The following GALNT13 variants were observed in gnomAD, a reference collection of about 807,000 sequenced individuals.
The protein encoded by GALNT13 is UDP-GalNAc:polypeptide N-acetylgalactosaminyltransferase 13.
In GALNT13, 28 loss-of-function variants were observed where a neutral mutation model predicts 64.2. The ratio of observed to expected loss-of-function variants is 0.44; its 90% CI spans 0.32 to 0.60. GALNT13 has a LOEUF of 0.60. Ranked by LOEUF, GALNT13 falls within the 20% of genes least tolerant of loss-of-function variation. The probability of loss-of-function intolerance (pLI) is 0.05; values close to 1 mark genes in which losing one functional copy is unlikely to be tolerated. For synonymous variants in GALNT13, 214 were observed against 224.6 expected (o/e 0.95, Z 0.42); for missense variants, 577 against 669.8 (o/e 0.86, Z 1.53).
the GALNT13 span, among the ~76,000 whole-genome samples, chr2:153,333,336 C>CG: frequency 6.6e-6 from 1 of 152,124 alleles, no homozygotes; most frequent in Non-Finnish European, 1.5e-5. Flanking sequence ...AGGTGAGTCA[C>CG]GGAGGGAGGT....
chr2:154,048,740 A>C (rs1699415372), intron 3 of GALNT13, among the ~76,000 whole-genome samples: 1 of 152,200 alleles, frequency 6.6e-6, no homozygotes, highest in African/African-American at 2.4e-5. Flanking sequence ...GATAACTCAG[A>C]TGTTATCACA....
At chr2:153,466,760 C>A in the GALNT13 span, among the ~76,000 whole-genome samples, 2 of 151,994 alleles carry the variant, frequency 1.3e-5, no homozygotes, top group South Asian at 2.1e-4. Flanking sequence ...AATACAGGAC[C>A]TTGTATTTTT....
At chr2:153,843,903 A>G in the GALNT13 span, among the ~76,000 whole-genome samples, 29 of 152,320 alleles carry the variant, frequency 1.9e-4, no homozygotes, top group Admixed American at 3.3e-4. Flanking sequence ...AGAGCATACC[A>G]GTGTAAAGTG....
chr2:153,437,870 T>C, the GALNT13 span, among the ~76,000 whole-genome samples: 2 of 152,174 alleles, frequency 1.3e-5, no homozygotes, highest in African/African-American at 4.8e-5. Flanking sequence ...CCTGTCATTA[T>C]GATGTTAGCT....
At chr2:154,179,556 C>T (rs1328538437) in intron 4 of GALNT13, among the ~76,000 whole-genome samples, 1 of 152,104 alleles carries the variant, frequency 6.6e-6, no homozygotes, top group African/African-American at 2.4e-5. Context: ...AATATCAACT[C>T]TGAAAGCAGC....
At chr2:153,445,786 A>G in the GALNT13 span, among the ~76,000 whole-genome samples, 1 of 152,298 alleles carries the variant, frequency 6.6e-6, no homozygotes, top group Admixed American at 6.5e-5. Context: ...TCTTACCCCC[A>G]AATCAGCATT....
At chr2:153,550,511 A>C in the GALNT13 span, among the ~76,000 whole-genome samples, 1 of 151,836 alleles carries the variant, frequency 6.6e-6, no homozygotes, top group Non-Finnish European at 1.5e-5. Flanking sequence ...GGGATTATAG[A>C]CTAGAGCCAC....
intron 10 of GALNT13, among the ~76,000 whole-genome samples, chr2:154,403,348 T>C (rs2105377827): frequency 6.6e-6 from 1 of 151,798 alleles, no homozygotes; most frequent in African/African-American, 2.4e-5. Flanking sequence ...CCCAGCTAAT[T>C]GGGAGACTGA....
chr2:153,174,419 A>G, the GALNT13 span, among the ~76,000 whole-genome samples: 1 of 149,680 alleles, frequency 6.7e-6, no homozygotes, highest in South Asian at 2.1e-4. Flanking sequence ...TCCTGAGCAA[A>G]CAGTTTTCCA....
intron 4 of GALNT13, among the ~76,000 whole-genome samples, chr2:154,185,681 G>T (rs186682384): frequency 1.3e-5 from 2 of 151,690 alleles, no homozygotes; most frequent in Admixed American, 1.3e-4. Context: ...TTTAGTTTCA[G>T]AATTTCTATT....
At chr2:154,428,777 A>ATTTTTTTTTTTTTTT (rs70983722) in intron 11 of GALNT13, among the ~76,000 whole-genome samples, 2 of 139,654 alleles carry the variant, frequency 1.4e-5, no homozygotes, top group Non-Finnish European at 3.1e-5. Flanking sequence ...ATGATCAGTG[A>ATTTTTTTTTTTTTTT]TTTTTTTTTT....
intron 3 of GALNT13, among the ~76,000 whole-genome samples, chr2:154,135,562 T>C (rs1486434831): frequency 6.6e-6 from 1 of 152,186 alleles, no homozygotes; most frequent in East Asian, 1.9e-4. Context: ...ATAAATTTAG[T>C]TGTTTAATTT....
chr2:153,405,323 C>T, the GALNT13 span, among the ~76,000 whole-genome samples: 2 of 152,148 alleles, frequency 1.3e-5, no homozygotes, highest in African/African-American at 4.8e-5. Context: ...GGCACCAGGA[C>T]TTAATTTAGT....
At chr2:153,569,236 A>G in the GALNT13 span, among the ~76,000 whole-genome samples, 1 of 152,080 alleles carries the variant, frequency 6.6e-6, no homozygotes. Context: ...ACTTTCTATT[A>G]CTATAATTTT....
chr2:153,837,706 T>G, the GALNT13 span, among the ~76,000 whole-genome samples: 2 of 152,108 alleles, frequency 1.3e-5, no homozygotes, highest in Admixed American at 1.3e-4. Context: ...TCTTGGCTAT[T>G]GGGAATAATG....
At chr2:153,850,369 G>A in the GALNT13 span, among the ~76,000 whole-genome samples, 1 of 152,072 alleles carries the variant, frequency 6.6e-6, no homozygotes, top group East Asian at 1.9e-4. Flanking sequence ...AGACTGATTT[G>A]TTCCTGCCTA....
chr2:154,194,859 A>ATT (rs5835502), intron 4 of GALNT13, among the ~76,000 whole-genome samples: 20,627 of 142,494 alleles, frequency 0.14, 1,486 homozygotes, highest in Middle Eastern at 0.19. Flanking sequence ...CTAGAGCTGT[A>ATT]TTTTTTTTTT....
the GALNT13 span, among the ~76,000 whole-genome samples, chr2:153,714,029 G>T: frequency 6.6e-6 from 1 of 152,124 alleles, no homozygotes; most frequent in Non-Finnish European, 1.5e-5. Flanking sequence ...AAAGTTCCCA[G>T]GGGCTATGCT....
In GALNT13 at chr2:154,110,737, G is replaced by A. The variant is rs1366453633; in HGVS notation, c.143-29600G>A. On this transcript the variant is annotated intron_variant, in intron 3 of 12. Coordinates refer to ENST00000392825, the MANE Select transcript of GALNT13 (RefSeq NM_052917.4). The stretch of plus-strand genomic sequence containing the variant: ...GGCAACAACCTCACAGACACACCCA[G>A]GATCAATACTTTGCATCCTTCAATC... 2.6e-5 allele frequency among the ~76,000 whole-genome samples: 4 copies of A among 151,860 alleles called. No individual in the cohort carries two copies. In the East Asian group the frequency reaches 7.8e-4, roughly 30 times the overall value.
Sources: gnomAD v4.1 joint callset for allele counts (sites outside exome capture counted in the v4.1 genomes callset) on GRCh38, gnomAD v4.1.1 for gene constraint, MANE v1.5 for transcripts, NCBI Gene and HGNC (gene_info 2026-07-23, HGNC 2026-07-21) for gene names.